The following TMEM161B variants were observed in gnomAD, a reference collection of about 807,000 sequenced individuals.
TMEM161B encodes transmembrane protein 161B.
In TMEM161B, 34 loss-of-function variants were observed where a neutral mutation model predicts 61.8. That is an observed-to-expected ratio of 0.55 (90% CI 0.42 to 0.73). TMEM161B has a LOEUF of 0.73. Ranked by LOEUF, TMEM161B falls within the 30% of genes least tolerant of loss-of-function variation. The probability of loss-of-function intolerance (pLI) is 0.00; values close to 1 mark genes in which losing one functional copy is unlikely to be tolerated. For missense variants in TMEM161B, 456 were observed against 558.5 expected (o/e 0.82, Z 1.85); for synonymous variants, 167 against 192.8 (o/e 0.87, Z 1.11).
At chr5:88,260,778 C>T (rs1755589730) in intron 1 of TMEM161B, among the ~76,000 whole-genome samples, 1 of 152,092 alleles carries the variant, frequency 6.6e-6, no homozygotes, top group African/African-American at 2.4e-5. Flanking sequence ...ACAAGCACAT[C>T]GATTTTCATA....
intron 1 of TMEM161B, among the ~76,000 whole-genome samples, chr5:88,260,727 C>T (rs988084917): frequency 3.9e-5 from 6 of 152,336 alleles, no homozygotes; most frequent in African/African-American, 1.4e-4. Context: ...GCCACCATGC[C>T]AGGCCACTTT....
intron 9 of TMEM161B, chr5:88,201,680 T>C (rs1744433951): frequency 6.6e-6 from 1 of 152,184 alleles, no homozygotes. Context: ...ATGCTTTCAG[T>C]ATCAAAGATA....
At chr5:88,202,352 A>G in intron 9 of TMEM161B, 1 of 256,582 alleles carries the variant, frequency 3.9e-6, no homozygotes, top group Non-Finnish European at 7.9e-6. Context: ...AGAAATATAA[A>G]CTAGTATTAG....
intron 2 of TMEM161B, among the ~76,000 whole-genome samples, chr5:88,228,975 T>C (rs1256953671): frequency 6.6e-6 from 1 of 152,182 alleles, no homozygotes; most frequent in Non-Finnish European, 1.5e-5. Context: ...TTCTTTCCCT[T>C]TTTTAATTTA....
intron 10 of TMEM161B, chr5:88,198,265 T>G (rs1211043275): frequency 6.6e-6 from 1 of 151,992 alleles, no homozygotes; most frequent in Non-Finnish European, 1.5e-5. Context: ...GTTGTTTAAA[T>G]CTTAATAAAT....
intron 1 of TMEM161B, among the ~76,000 whole-genome samples, chr5:88,253,337 A>C (rs181426846): frequency 3.4e-4 from 52 of 152,298 alleles, no homozygotes; most frequent in African/African-American, 1.2e-3. Context: ...GTGGTATGGT[A>C]GAGATCAATC....
At chr5:88,261,144 A>T (rs1396857622) in intron 1 of TMEM161B, among the ~76,000 whole-genome samples, 1 of 152,216 alleles carries the variant, frequency 6.6e-6, no homozygotes, top group Non-Finnish European at 1.5e-5. Flanking sequence ...GAACAAGTGA[A>T]ATTTGAAATT....
chr5:88,241,971 A>C (rs759685362), intron 1 of TMEM161B, among the ~76,000 whole-genome samples: 1 of 151,802 alleles, frequency 6.6e-6, no homozygotes, highest in African/African-American at 2.4e-5. Context: ...AAATCTCTCT[A>C]TCTGTGCTTT....
intron 5 of TMEM161B, among the ~76,000 whole-genome samples, chr5:88,209,176 G>T (rs1319970120): frequency 6.6e-6 from 1 of 151,840 alleles, no homozygotes; most frequent in Non-Finnish European, 1.5e-5. Flanking sequence ...TCTCTTTCTT[G>T]GCATTATAAG....
At chr5:88,252,601 G>T (rs544784807) in intron 1 of TMEM161B, among the ~76,000 whole-genome samples, 6 of 152,252 alleles carry the variant, frequency 3.9e-5, no homozygotes, top group African/African-American at 1.2e-4. Context: ...TGTTTCAAAG[G>T]TTATTTCAAG....
At chr5:88,207,909 T>C (rs943570058) in intron 5 of TMEM161B, among the ~76,000 whole-genome samples, 2 of 152,212 alleles carry the variant, frequency 1.3e-5, no homozygotes, top group East Asian at 1.9e-4. Context: ...GTAAAGTTTA[T>C]GTCAAGCATG....
At chr5:88,188,367 C>T (rs887460399), downstream of TMEM161B, among the ~76,000 whole-genome samples, 1 of 151,892 alleles carries the variant, frequency 6.6e-6, no homozygotes, top group Middle Eastern at 3.2e-3. Flanking sequence ...CCACCCGTCT[C>T]AGCCTCCCAA....
chr5:88,256,426 T>C (rs1428976001), intron 1 of TMEM161B, among the ~76,000 whole-genome samples: 1 of 152,196 alleles, frequency 6.6e-6, no homozygotes, highest in Non-Finnish European at 1.5e-5. Flanking sequence ...TTTCTGACAT[T>C]ATAGAAAATA....
chr5:88,200,999 T>G (rs917954952), intron 9 of TMEM161B: 1 of 152,086 alleles, frequency 6.6e-6, no homozygotes, highest in Non-Finnish European at 1.5e-5. Context: ...CATCCTACCC[T>G]CTTTGATGGG....
Position 88,223,761 on chromosome 5 carries a change from C to T in TMEM161B, c.289+2008G>A, listed in dbSNP as rs371157695. Among the ~76,000 whole-genome samples the T allele has an allele frequency of 5.1e-4, 78 of 152,082 alleles. No homozygotes were observed. In the East Asian group the frequency reaches 7.4e-3, roughly 14 times the overall value. ...AAAATTAGCCAGGCGTGGTGGCAGG[C>T]GCCTGTAGTCCTAGCTACTCAGGAG... On this transcript the variant is annotated intron_variant, in intron 4 of 11. Transcript: ENST00000296595.
At chr5:88,190,755 T>C (rs1383710054), downstream of TMEM161B, among the ~76,000 whole-genome samples, 1 of 152,232 alleles carries the variant, frequency 6.6e-6, no homozygotes, top group Non-Finnish European at 1.5e-5. Context: ...TAATTTCTGA[T>C]ATAGTTGCAT....
chr5:88,196,465 G>C lies in TMEM161B; in HGVS notation c.1210C>G (p.Pro404Ala), dbSNP rs751567694. The change falls in exon 12 of 12, where the codon CCA (proline) becomes GCA (alanine). Residue 404 changes from proline to alanine, a missense_variant. This residue lies in a region of TMEM161B where 367 missense variants were observed against 427.3 expected (regional missense o/e 0.86). Coordinates refer to ENST00000296595, the MANE Select transcript of TMEM161B (RefSeq NM_153354.5). ...ACTGGTAAGGTAGAGATAGATTCTG[G>C]ATAAATACCCCAGGAATGATTACCT... Reference protein sequence around the residue: ...TLGNHSWGIYPESISTLPVDN... With the variant: ...TLGNHSWGIYAESISTLPVDN... 3 of 1,605,606 alleles carry C rather than the reference G, an allele frequency of 1.9e-6. No individual in the cohort carries two copies. Among genetic ancestry groups the C allele is most frequent in the East Asian group, 2.2e-5 (1 of 44,616 alleles).
chr5:88,203,140 C>G (rs1038360251), intron 8 of TMEM161B, 65 bp from the exon 9 acceptor site: 2 of 986,606 alleles, frequency 2.0e-6, no homozygotes, highest in African/African-American at 3.2e-5. Flanking sequence ...ACTACAGAAG[C>G]TGGGGTCTTA....
chr5:88,235,080 T>C (rs183787305), intron 2 of TMEM161B, among the ~76,000 whole-genome samples: 8 of 152,306 alleles, frequency 5.3e-5, no homozygotes, highest in Non-Finnish European at 1.0e-4. Context: ...CATTCTTATA[T>C]AAACCTCTAA....
Sources: allele counts gnomAD v4.1 joint callset (sites outside exome capture counted in the v4.1 genomes callset), GRCh38; gene constraint gnomAD v4.1.1; regional missense constraint gnomAD v4.1.1; transcripts MANE v1.5; gene names NCBI Gene and HGNC (gene_info 2026-07-23, HGNC 2026-07-21).